Variants in SHC3 observed in about 807,000 individuals in gnomAD.
SHC3 encodes the protein SHC-transforming protein 3.
In SHC3, 15 loss-of-function variants were observed where a neutral mutation model predicts 60.4. The observed-to-expected ratio is 0.25, with a 90% CI of 0.17 to 0.38. The LOEUF is 0.38. Among genes scored for constraint, SHC3 ranks in the 10% least tolerant of loss-of-function variants. SHC3 has a pLI of 1.00. For synonymous variants in SHC3, 294 were observed against 325.9 expected, an observed-to-expected ratio of 0.90 and a Z score of 1.05; for missense variants, 677 against 786.1, an observed-to-expected ratio of 0.86 and a Z score of 1.66.
At chr9:89,053,717 TTATTGATATTATTTTAG>T (rs993764852) in intron 6 of SHC3, among the ~76,000 whole-genome samples, 2 of 152,228 alleles carry the variant, frequency 1.3e-5, no homozygotes. Context: ...TGATGATCAA[TTATTGATATTATTTTAG>T]TATTGACATT....
intron 3 of SHC3, among the ~76,000 whole-genome samples, chr9:89,075,676 A>G (rs1331561734): frequency 6.6e-6 from 1 of 152,216 alleles, no homozygotes; most frequent in East Asian, 1.9e-4. Flanking sequence ...GATTACAAGA[A>G]TCCCAGAGAG....
At chr9:89,139,796 T>C (rs746491091) in intron 1 of SHC3, among the ~76,000 whole-genome samples, 2 of 152,222 alleles carry the variant, frequency 1.3e-5, no homozygotes, top group Non-Finnish European at 2.9e-5. Context: ...TCCAATTCTG[T>C]CCTATTGCAA....
intron 1 of SHC3, among the ~76,000 whole-genome samples, chr9:89,157,253 A>G (rs1055267684): frequency 2.0e-5 from 3 of 152,216 alleles, no homozygotes; most frequent in East Asian, 1.9e-4. Context: ...TGGCCCATAC[A>G]TATAACCACA....
At chr9:89,141,934 A>G (rs1471000032) in intron 1 of SHC3, among the ~76,000 whole-genome samples, 1 of 152,120 alleles carries the variant, frequency 6.6e-6, no homozygotes, top group Non-Finnish European at 1.5e-5. Context: ...GCAACACTGA[A>G]AAGTTCAGGT....
At chr9:89,149,341 C>T (rs1448538639) in intron 1 of SHC3, among the ~76,000 whole-genome samples, 1 of 152,162 alleles carries the variant, frequency 6.6e-6, no homozygotes, top group African/African-American at 2.4e-5. Flanking sequence ...ATAATTTTTA[C>T]AATGAACTTC....
chr9:89,074,254 G>A (rs566113430), intron 4 of SHC3, among the ~76,000 whole-genome samples: 15 of 152,176 alleles, frequency 9.9e-5, no homozygotes, highest in South Asian at 4.2e-4. Context: ...TGACAATGTC[G>A]GAATCAGGTA....
chr9:89,040,596 T>C (rs1404812899), intron 10 of SHC3, among the ~76,000 whole-genome samples: 1 of 152,240 alleles, frequency 6.6e-6, no homozygotes, highest in Non-Finnish European at 1.5e-5. Flanking sequence ...CATGGAACTA[T>C]TAAACTGCAG....
chr9:89,132,036 A>G (rs1267810131), intron 1 of SHC3, among the ~76,000 whole-genome samples: 1 of 152,204 alleles, frequency 6.6e-6, no homozygotes, highest in Non-Finnish European at 1.5e-5. Context: ...AAATCTCCTT[A>G]AGCTGATAAG....
At chr9:89,144,153 A>G (rs1826434944) in intron 1 of SHC3, among the ~76,000 whole-genome samples, 1 of 152,260 alleles carries the variant, frequency 6.6e-6, no homozygotes, top group Non-Finnish European at 1.5e-5. Flanking sequence ...ACGCACAGAA[A>G]AGTCTATAAG....
rs1219852662 is a variant in SHC3 at position 89,178,401 on chromosome 9, G to A, written c.60C>T (p.Asp20=). 3.9e-6 allele frequency: 6 copies of A among 1,549,704 alleles called. No individual in the cohort carries two copies. Among genetic ancestry groups the A allele is most frequent in the South Asian group, 1.2e-5 (1 of 84,192 alleles). Residue 20 remains aspartate (D), a synonymous_variant, in exon 1 of 12, where the codon GAC becomes GAT. Transcript: ENST00000375835. This position sits in a 1 kb window ranked among gnomAD's most constrained non-coding sequence, Gnocchi z 6.9. ...FRNDSVTSVD[D]LLHSLSVSGG... is the part of the protein sequence containing the mutation. ...CGCTCACCGACAGGCTGTGGAGAAG[G>A]TCATCGACCGATGTCACCGAGTCAT...
At chr9:89,071,098 T>C in intron 5 of SHC3, 101 bp downstream of exon 5, 2 of 1,095,704 alleles carry the variant, frequency 1.8e-6, no homozygotes, top group Non-Finnish European at 2.7e-6. Context: ...GCCATCACAA[T>C]TAACCTTTTT....
rs540923568 is a variant in SHC3, at chr9:89,147,043, A to G, written c.474+30944T>C. Among the ~76,000 whole-genome samples, 6 of 152,298 alleles carry G rather than the reference A, an allele frequency of 3.9e-5. No individual in the cohort carries two copies. In the East Asian group the frequency reaches 1.2e-3, roughly 29 times the overall value. On this transcript the variant is annotated intron_variant, in intron 1 of 11. Transcript: ENST00000375835. ...TAGCCTCAAACTGGAAAAGAAGCAA[A>G]TATCCATCAACAGCGTAATGAATGA...
chr9:89,078,596 C>T (rs901655426), intron 2 of SHC3, among the ~76,000 whole-genome samples: 5 of 151,980 alleles, frequency 3.3e-5, no homozygotes, highest in Non-Finnish European at 7.4e-5. Context: ...GAGTCCAACA[C>T]GTGGTTCTGC....
At chr9:89,035,048 A>AT (rs1428406819) in intron 11 of SHC3, among the ~76,000 whole-genome samples, 3 of 152,196 alleles carry the variant, frequency 2.0e-5, no homozygotes, top group African/African-American at 2.4e-5. Context: ...GCAACGTGTC[A>AT]TTTTGACCTC....
chr9:89,080,632 G>T (rs796691659), intron 2 of SHC3, among the ~76,000 whole-genome samples: 7 of 151,702 alleles, frequency 4.6e-5, no homozygotes, highest in African/African-American at 1.7e-4. Flanking sequence ...AAATTATGTT[G>T]GGCTCCTATC....
At chr9:89,058,923 G>A (rs1342965331) in intron 6 of SHC3, among the ~76,000 whole-genome samples, 1 of 150,700 alleles carries the variant, frequency 6.6e-6, no homozygotes, top group African/African-American at 2.4e-5. Flanking sequence ...GAGGATGGTG[G>A]TGTTAGGACG....
chr9:89,143,366 C>G (rs1015126477), intron 1 of SHC3, among the ~76,000 whole-genome samples: 22 of 151,998 alleles, frequency 1.4e-4, no homozygotes, highest in Non-Finnish European at 2.6e-4. Flanking sequence ...TTGACTGCAA[C>G]CTGTTTTATC....
At chr9:89,135,811 C>T (rs1157104653) in intron 1 of SHC3, among the ~76,000 whole-genome samples, 1 of 152,096 alleles carries the variant, frequency 6.6e-6, no homozygotes, top group Non-Finnish European at 1.5e-5. Context: ...TAATTCTCAG[C>T]ATATACTGGA....
At chr9:89,154,960 C>T (rs1826600934) in intron 1 of SHC3, among the ~76,000 whole-genome samples, 2 of 152,242 alleles carry the variant, frequency 1.3e-5, no homozygotes, top group Admixed American at 1.3e-4. Flanking sequence ...TAAAACTAAG[C>T]AGCCATCTTC....
Sources: gnomAD v4.1 joint callset for allele counts (sites outside exome capture counted in the v4.1 genomes callset) on GRCh38, gnomAD v4.1.1 for gene constraint, Gnocchi (gnomAD v3.1) non-coding constraint, MANE v1.5 for transcripts, NCBI Gene and HGNC (gene_info 2026-07-23, HGNC 2026-07-21) for gene names.